The following SHLD1 variants were observed in gnomAD, a reference collection of about 807,000 sequenced individuals.
SHLD1 encodes RINN1-REV7-interacting novel NHEJ regulator 3.
In SHLD1, 3 loss-of-function variants were observed where a neutral mutation model predicts 5.5. That is an observed-to-expected ratio of 0.54 (90% CI 0.25 to 1.40). SHLD1 has a LOEUF of 1.40. Among genes scored for constraint, SHLD1 ranks in the 40% most tolerant of loss-of-function variants. SHLD1 has a pLI of 0.15. For synonymous variants in SHLD1, 92 were observed against 94.3 expected (o/e 0.98, Z 0.14); for missense variants, 210 against 244.4 (o/e 0.86, Z 0.94).
intron 1 of SHLD1, 124 bp from the exon 2 acceptor site, chr20:5,772,738 C>G: frequency 1.0e-6 from 1 of 959,072 alleles, no homozygotes; most frequent in Non-Finnish European, 1.5e-6. Context: ...TTAGTGAGAC[C>G]TGATCTCTAC....
At chr20:5,845,315 G>A (rs899794638) in intron 2 of SHLD1, among the ~76,000 whole-genome samples, 2 of 152,186 alleles carry the variant, frequency 1.3e-5, no homozygotes, top group African/African-American at 4.8e-5. Flanking sequence ...GGTAGGAGCT[G>A]TTACTAACCC....
chr20:5,839,630 C>T (rs564869746), intron 2 of SHLD1, among the ~76,000 whole-genome samples: 4 of 152,302 alleles, frequency 2.6e-5, no homozygotes, highest in African/African-American at 9.6e-5. Flanking sequence ...TAGTCTCAAG[C>T]TCCCTAGACC....
intron 2 of SHLD1, among the ~76,000 whole-genome samples, chr20:5,793,514 T>C (rs1449302383): frequency 6.6e-6 from 1 of 152,206 alleles, no homozygotes; most frequent in Non-Finnish European, 1.5e-5. Flanking sequence ...ATGCTTCTGC[T>C]TTAGCATAAA....
intron 2 of SHLD1, among the ~76,000 whole-genome samples, chr20:5,835,251 A>G (rs931944454): frequency 1.3e-5 from 2 of 152,190 alleles, no homozygotes; most frequent in Non-Finnish European, 2.9e-5. Context: ...TCTTCCCGCT[A>G]GTTGTGTTGA....
chr20:5,858,390 A>G (rs948342982), intron 2 of SHLD1, among the ~76,000 whole-genome samples: 1 of 152,200 alleles, frequency 6.6e-6, no homozygotes, highest in African/African-American at 2.4e-5. Context: ...AGAATCCCTC[A>G]TTAGATATCT....
chr20:5,754,736 T>C (rs913423707), intron 1 of SHLD1, among the ~76,000 whole-genome samples: 3 of 152,172 alleles, frequency 2.0e-5, no homozygotes, highest in Admixed American at 6.6e-5. Context: ...TTGCTTTGCC[T>C]GAAGTGTTGA....
At chr20:5,852,241 C>A (rs533525488) in intron 2 of SHLD1, among the ~76,000 whole-genome samples, 50 of 152,042 alleles carry the variant, frequency 3.3e-4, no homozygotes, top group South Asian at 1.0e-3. Context: ...ATTATTTTTT[C>A]ATCCTAAGTT....
intron 2 of SHLD1, among the ~76,000 whole-genome samples, chr20:5,813,237 C>T (rs2087483877): frequency 6.6e-6 from 1 of 151,944 alleles, no homozygotes; most frequent in African/African-American, 2.4e-5. Flanking sequence ...TCTGTAATCC[C>T]AGCATTTTGG....
Position 5,771,533 on chromosome 20 carries a change from C to T in SHLD1, c.-4-1329C>T, listed in dbSNP as rs73894025. 2.6e-3 allele frequency among the ~76,000 whole-genome samples: 403 copies of T among 152,154 alleles called. 1 individual carries two copies. The highest frequency in any genetic ancestry group is 9.3e-3 in the African/African-American group (386 of 41,514). ...GTACAACACACTGCTATCAGAACAC[C>T]TTTCTGTTCATATCTTCCACGCACA... On this transcript the variant is annotated intron_variant, in intron 1 of 2. Coordinates refer to ENST00000303142, the MANE Select transcript of SHLD1 (RefSeq NM_152504.4).
chr20:5,758,448 T>C (rs1368514846), intron 1 of SHLD1, among the ~76,000 whole-genome samples: 2 of 151,290 alleles, frequency 1.3e-5, no homozygotes, highest in East Asian at 3.9e-4. Context: ...AGATGGAGTC[T>C]CGCTCTGTTG....
chr20:5,752,769 C>T (rs1203447244), intron 1 of SHLD1, among the ~76,000 whole-genome samples: 1 of 151,828 alleles, frequency 6.6e-6, no homozygotes, highest in Admixed American at 6.6e-5. Flanking sequence ...GTGTGCACCA[C>T]CACACCTGAC....
intron 2 of SHLD1, among the ~76,000 whole-genome samples, chr20:5,858,193 G>T (rs1484233415): frequency 6.6e-6 from 1 of 151,758 alleles, no homozygotes; most frequent in South Asian, 2.1e-4. Flanking sequence ...GCTAGTAAAA[G>T]AAACTCTGGA....
At chr20:5,757,071 C>CTTTTT (rs753877287) in intron 1 of SHLD1, among the ~76,000 whole-genome samples, 136 of 123,208 alleles carry the variant, frequency 1.1e-3, no homozygotes, top group African/African-American at 1.5e-3. Context: ...TTCTTTCTTT[C>CTTTTT]TTTTTTTTTT....
intron 2 of SHLD1, among the ~76,000 whole-genome samples, chr20:5,843,984 C>A (rs1368227263): frequency 6.6e-6 from 1 of 152,160 alleles, no homozygotes; most frequent in Non-Finnish European, 1.5e-5. Context: ...TCCTTTTCTG[C>A]GTAAGTTGTA....
chr20:5,862,584 G>A (rs2088177693), intron 2 of SHLD1, among the ~76,000 whole-genome samples: 1 of 152,162 alleles, frequency 6.6e-6, no homozygotes, highest in African/African-American at 2.4e-5. Flanking sequence ...TTTGGGGGTG[G>A]GTACTACAGT....
intron 2 of SHLD1, among the ~76,000 whole-genome samples, chr20:5,845,959 C>A (rs1282004928): frequency 4.6e-5 from 7 of 152,164 alleles, no homozygotes; most frequent in Admixed American, 4.6e-4. Context: ...TGTTTACAAT[C>A]CATTCTCTGA....
intron 2 of SHLD1, among the ~76,000 whole-genome samples, chr20:5,829,324 C>T (rs1015171133): frequency 3.3e-5 from 5 of 152,194 alleles, no homozygotes; most frequent in African/African-American, 1.2e-4. Context: ...CTATTACTCA[C>T]TAATCTTTTT....
At chr20:5,768,899 TA>T (rs1352865949) in intron 1 of SHLD1, among the ~76,000 whole-genome samples, 2 of 142,188 alleles carry the variant, frequency 1.4e-5, no homozygotes, top group African/African-American at 5.3e-5. Flanking sequence ...TCTTCTCATG[TA>T]ATTGTTTTTT....
Position 5,844,235 on chromosome 20 carries a change from C to T in SHLD1, c.179-18789C>T, listed in dbSNP as rs537722815. 7.1e-4 allele frequency among the ~76,000 whole-genome samples: 108 copies of T among 152,350 alleles called. 1 individual carries two copies. The highest frequency in any genetic ancestry group is 2.5e-3 in the African/African-American group (104 of 41,584). ...TCAGCCAGCAGTCATTCTGTGAACT[C>T]TAGATCTTCTCTGCCTATTTTCACA... On this transcript the variant is annotated intron_variant, in intron 2 of 2. Transcript: ENST00000303142.
Sources: allele counts gnomAD v4.1 joint callset (sites outside exome capture counted in the v4.1 genomes callset), GRCh38; gene constraint gnomAD v4.1.1; transcripts MANE v1.5; gene names NCBI Gene and HGNC (gene_info 2026-07-23, HGNC 2026-07-21).